The following GMDS variants were observed in gnomAD, a reference collection of about 807,000 sequenced individuals.
GMDS encodes GDP-mannose 4,6-dehydratase.
Under a neutral mutation model 49.9 loss-of-function variants are expected in GMDS, and 20 were observed. The observed-to-expected ratio is 0.40, with a 90% CI of 0.28 to 0.58. The LOEUF (loss-of-function observed/expected upper bound fraction) is 0.58. GMDS is among the 20% of genes least tolerant of loss of function. The pLI is 0.42. For synonymous variants in GMDS, 177 were observed against 178.6 expected, an observed-to-expected ratio of 0.99 and a Z score of 0.07; for missense variants, 362 against 481.4, an observed-to-expected ratio of 0.75 and a Z score of 2.32.
At chr6:1,873,482 C>T (rs915759570) in intron 7 of GMDS, among the ~76,000 whole-genome samples, 3 of 152,176 alleles carry the variant, frequency 2.0e-5, no homozygotes, top group African/African-American at 7.2e-5. Context: ...ATTGGGGCCA[C>T]TTTTTCCCTG....
intron 9 of GMDS, among the ~76,000 whole-genome samples, chr6:1,711,543 G>A (rs1765965177): frequency 1.3e-5 from 2 of 152,186 alleles, no homozygotes. Context: ...TGAAACACAT[G>A]GGTGGGAAAT....
chr6:1,706,588 G>A (rs1203915446), intron 9 of GMDS, among the ~76,000 whole-genome samples: 1 of 152,198 alleles, frequency 6.6e-6, no homozygotes, highest in Non-Finnish European at 1.5e-5. Context: ...CAGCGGAGGA[G>A]AACCCCTCGC....
rs759470739 is a variant in GMDS at position 2,140,750 on chromosome 6, C to T, written c.103-16019G>A. On this transcript the variant is annotated intron_variant, in intron 1 of 10. Transcript: ENST00000380815. ...AAGTCTGAACTTTATTCAAACAATG[C>T]AAAAACGATCGAAGGTTTTTAAGAA... Among the ~76,000 whole-genome samples, 92 of 152,182 alleles carry T rather than the reference C, an allele frequency of 6.0e-4. 1 individual carries two copies. Among genetic ancestry groups the T allele is most frequent in the Non-Finnish European group, 1.6e-4 (11 of 68,040 alleles).
intron 4 of GMDS, among the ~76,000 whole-genome samples, chr6:1,970,266 C>T (rs1362981915): frequency 2.0e-5 from 3 of 152,236 alleles, no homozygotes; most frequent in Admixed American, 2.0e-4. Flanking sequence ...AGCAGCTGCA[C>T]TGTTTACTGC....
chr6:2,070,044 T>A lies in GMDS; in HGVS notation c.345+45727A>T, dbSNP rs543419777. ...AAATGTCCAACAATGATAGACTGGA[T>A]TAAGAAAATGTGGCACATATACACC... On this transcript the variant is annotated intron_variant, in intron 4 of 10. Transcript: ENST00000380815. Among the ~76,000 whole-genome samples the A allele has an allele frequency of 2.4e-3, 370 of 151,208 alleles. 7 individuals are homozygous for A. Among genetic ancestry groups the A allele is most frequent in the Admixed American group, 0.022 (327 of 15,176 alleles).
intron 7 of GMDS, among the ~76,000 whole-genome samples, chr6:1,793,759 T>C (rs1051476059): frequency 6.6e-6 from 1 of 152,220 alleles, no homozygotes; most frequent in Admixed American, 6.5e-5. Flanking sequence ...TCATTTTGCT[T>C]AGTATTCCTG....
intron 7 of GMDS, among the ~76,000 whole-genome samples, chr6:1,928,261 A>G (rs9503054): frequency 0.014 from 2,068 of 151,996 alleles, 55 homozygotes; most frequent in African/African-American, 0.045. Context: ...GCTACTCATG[A>G]GTCTGAGGCA....
At chr6:1,893,715 G>T (rs570788424) in intron 7 of GMDS, among the ~76,000 whole-genome samples, 4 of 152,356 alleles carry the variant, frequency 2.6e-5, no homozygotes, top group African/African-American at 9.6e-5. Flanking sequence ...TGTGAATAAG[G>T]TGTATTGAAG....
Position 2,230,941 on chromosome 6 carries a change from A to ACCC in GMDS, c.102+14377_102+14379dup, listed in dbSNP as rs56658390. Among the ~76,000 whole-genome samples, 9 of 18,666 alleles carry ACCC rather than the reference A, an allele frequency of 4.8e-4. No individual in the cohort carries two copies. The East Asian group carries it at 7.2e-3, about 15-fold the overall frequency. The allele number at this position is 18,666 out of a possible 152,430, so 12.2% of individuals were successfully genotyped here. ...ATTTAGTATTCTCTTCCCCCCTCCCACCCCCCCCCCCCGTTCCTTCCCCTA... is the reference window on the plus strand; with the variant it reads ...ATTTAGTATTCTCTTCCCCCCTCCCACCCCCCCCCCCCCCCGTTCCTTCCCCTA... On this transcript the variant is annotated intron_variant, in intron 1 of 10. Transcript: ENST00000380815.
chr6:2,178,053 C>A (rs1183887472), intron 1 of GMDS, among the ~76,000 whole-genome samples: 1 of 152,140 alleles, frequency 6.6e-6, no homozygotes, highest in Non-Finnish European at 1.5e-5. Flanking sequence ...CCAAATCCCA[C>A]ATATTTTCAC....
chr6:2,211,574 G>GATGCTCAAATAGGTCTATTTGAA (rs940203274), intron 1 of GMDS, among the ~76,000 whole-genome samples: 2 of 151,748 alleles, frequency 1.3e-5, no homozygotes, highest in African/African-American at 2.4e-5. Context: ...AAACCAAAAG[G>GATGCTCAAATAGGTCTATTTGAA]ATGCTCAAAT....
chr6:1,865,837 G>C (rs760230016), intron 7 of GMDS, among the ~76,000 whole-genome samples: 1 of 151,924 alleles, frequency 6.6e-6, no homozygotes, highest in Non-Finnish European at 1.5e-5. Flanking sequence ...CACACCACAG[G>C]CTCCGTGCAC....
intron 4 of GMDS, among the ~76,000 whole-genome samples, chr6:2,110,434 T>C (rs1048142527): frequency 6.6e-6 from 1 of 152,182 alleles, no homozygotes; most frequent in African/African-American, 2.4e-5. Context: ...CTATGGCTAT[T>C]TTTATTCCCA....
chr6:2,219,632 T>C (rs1291994473), intron 1 of GMDS, among the ~76,000 whole-genome samples: 1 of 152,188 alleles, frequency 6.6e-6, no homozygotes, highest in Non-Finnish European at 1.5e-5. Flanking sequence ...AAATTTACTC[T>C]CATTTTCTGT....
chr6:1,701,072 T>G (rs1356771109), intron 9 of GMDS, among the ~76,000 whole-genome samples: 1 of 152,178 alleles, frequency 6.6e-6, no homozygotes, highest in Non-Finnish European at 1.5e-5. Context: ...GTAGAATGAC[T>G]AGATACCCGC....
chr6:1,978,020 C>T (rs757986144), intron 4 of GMDS, among the ~76,000 whole-genome samples: 1 of 152,188 alleles, frequency 6.6e-6, no homozygotes, highest in Non-Finnish European at 1.5e-5. Context: ...CAAGATAAGA[C>T]CTACTGTCTT....
chr6:1,782,768 T>C (rs1250949153), intron 7 of GMDS, among the ~76,000 whole-genome samples: 1 of 152,210 alleles, frequency 6.6e-6, no homozygotes, highest in Non-Finnish European at 1.5e-5. Flanking sequence ...AAATGTCCAC[T>C]GTGGGCCAGG....
intron 7 of GMDS, among the ~76,000 whole-genome samples, chr6:1,750,226 G>T (rs1767665577): frequency 6.6e-6 from 1 of 152,004 alleles, no homozygotes; most frequent in Non-Finnish European, 1.5e-5. Flanking sequence ...ATTTCAGAGG[G>T]TTTCAAAAAA....
At chr6:1,914,131 GTTTT>G (rs563808537) in intron 7 of GMDS, among the ~76,000 whole-genome samples, 13 of 77,854 alleles carry the variant, frequency 1.7e-4, no homozygotes, top group African/African-American at 4.1e-4. Flanking sequence ...TTTTTTGTTT[GTTTT>G]TTTTTTTTTT....
Sources: allele counts gnomAD v4.1 joint callset (sites outside exome capture counted in the v4.1 genomes callset), GRCh38; gene constraint gnomAD v4.1.1; transcripts MANE v1.5; gene names NCBI Gene and HGNC (gene_info 2026-07-23, HGNC 2026-07-21).